Variants in BBX observed in about 807,000 individuals in gnomAD.
The protein encoded by BBX is BBX high mobility group box domain containing, also known as HMG box transcription factor BBX.
In BBX, 30 loss-of-function variants were observed where a neutral mutation model predicts 100.2. That is an observed-to-expected ratio of 0.30 (90% confidence interval 0.22 to 0.41). BBX has a LOEUF of 0.41. Among genes scored for constraint, BBX ranks in the 10% least tolerant of loss-of-function variants. The pLI, the probability that BBX is intolerant of heterozygous loss-of-function variation, is 1.00. For synonymous variants in BBX, 376 were observed against 388.1 expected, an observed-to-expected ratio of 0.97 and a Z score of 0.37; for missense variants, 1,023 against 1,129.8, an observed-to-expected ratio of 0.91 and a Z score of 1.35.
At chr3:107,650,209 C>T (rs1256941804) in intron 3 of BBX, among the ~76,000 whole-genome samples, 2 of 152,154 alleles carry the variant, frequency 1.3e-5, no homozygotes, top group Middle Eastern at 3.2e-3. Flanking sequence ...CCAGGTTGCA[C>T]AGCAGGAGCT....
chr3:107,696,986 G>A (rs1002282740), intron 3 of BBX, among the ~76,000 whole-genome samples: 5 of 151,516 alleles, frequency 3.3e-5, no homozygotes, highest in Non-Finnish European at 7.4e-5. Context: ...CCATTTGATC[G>A]CATCAGCTCC....
intron 5 of BBX, among the ~76,000 whole-genome samples, chr3:107,727,024 C>G (rs993091274): frequency 1.3e-5 from 2 of 152,060 alleles, no homozygotes; most frequent in Admixed American, 1.3e-4. Flanking sequence ...TTGATGCTGG[C>G]AATCATTCTG....
chr3:107,711,914 C>T (rs2061747436), intron 4 of BBX, among the ~76,000 whole-genome samples: 2 of 151,956 alleles, frequency 1.3e-5, no homozygotes, highest in Non-Finnish European at 2.9e-5. Context: ...CTGTATTGCC[C>T]AGGCTATAGT....
intron 2 of BBX, among the ~76,000 whole-genome samples, chr3:107,558,007 G>C (rs1314660476): frequency 6.6e-6 from 1 of 152,208 alleles, no homozygotes; most frequent in African/African-American, 2.4e-5. Context: ...CAGAAACTCA[G>C]CGGGGCTTGG....
chr3:107,720,237 G>A (rs1477890618), intron 5 of BBX, among the ~76,000 whole-genome samples: 1 of 151,980 alleles, frequency 6.6e-6, no homozygotes, highest in African/African-American at 2.4e-5. Context: ...TGACTCCTGT[G>A]TGTTCTTCTA....
At position 107,584,723 on chromosome 3, in the gene BBX, C is replaced by T. The variant is rs1458092755; in HGVS notation, c.-84+58325C>T. Among the ~76,000 whole-genome samples, 7 of 95,472 alleles carry T rather than the reference C, an allele frequency of 7.3e-5. No homozygotes were observed. In the Admixed American group the frequency reaches 1.2e-3, roughly 17 times the overall value. 62.6% of individuals were successfully genotyped at this position (95,472 alleles called of 152,430 possible). A position where few individuals can be genotyped will look rare whatever the true frequency, so the allele number is the denominator to read the frequency against. ...TTTTTTTTTTTGAGGTGGAGTCTCA[C>T]TCTTGTTGCCCAGGCTGGAGTGCAG... On this transcript the variant is annotated intron_variant, in intron 2 of 17. Transcript: ENST00000325805.
intron 2 of BBX, among the ~76,000 whole-genome samples, chr3:107,550,708 A>T (rs751677209): frequency 3.9e-5 from 6 of 152,180 alleles, no homozygotes; most frequent in Non-Finnish European, 8.8e-5. Context: ...CAGGCCAACC[A>T]TGTAGGATCT....
intron 3 of BBX, among the ~76,000 whole-genome samples, chr3:107,702,492 C>T (rs1362284554): frequency 6.6e-6 from 1 of 152,136 alleles, no homozygotes; most frequent in Non-Finnish European, 1.5e-5. Context: ...TAAAGAAACG[C>T]ATAATAAGAA....
intron 2 of BBX, among the ~76,000 whole-genome samples, chr3:107,573,636 TA>T (rs1382522948): frequency 6.6e-6 from 1 of 152,248 alleles, no homozygotes; most frequent in Non-Finnish European, 1.5e-5. Flanking sequence ...AAATATAGAT[TA>T]AACATAGTTA....
chr3:107,614,730 A>G (rs1348882529), intron 2 of BBX, among the ~76,000 whole-genome samples: 1 of 152,092 alleles, frequency 6.6e-6, no homozygotes, highest in Non-Finnish European at 1.5e-5. Context: ...GTTATCTTTT[A>G]TTTTTAATAT....
intron 3 of BBX, among the ~76,000 whole-genome samples, chr3:107,669,809 G>C (rs1388498823): frequency 6.6e-6 from 1 of 152,148 alleles, no homozygotes; most frequent in East Asian, 1.9e-4. Context: ...GTAGGCCCTA[G>C]TCTACTTTTA....
intron 7 of BBX, among the ~76,000 whole-genome samples, chr3:107,734,058 A>T (rs1469102972): frequency 1.3e-5 from 2 of 151,758 alleles, no homozygotes; most frequent in African/African-American, 4.8e-5. Flanking sequence ...AATAGCAATG[A>T]CTCAATTTTA....
At chr3:107,798,857 CAAAA>C (rs1162018223) in intron 16 of BBX, 137 bp downstream of exon 16, 34 of 941,050 alleles carry the variant, frequency 3.6e-5, no homozygotes, top group Non-Finnish European at 4.8e-5. Flanking sequence ...AAAACAAAAA[CAAAA>C]AAAACCAGGC....
intron 10 of BBX, among the ~76,000 whole-genome samples, chr3:107,766,170 A>C (rs1037929743): frequency 6.6e-6 from 1 of 152,216 alleles, no homozygotes; most frequent in African/African-American, 2.4e-5. Context: ...ACCAAGGTCA[A>C]TGAGAATGTC....
intron 3 of BBX, among the ~76,000 whole-genome samples, chr3:107,687,809 C>A (rs935534930): frequency 1.3e-5 from 2 of 152,162 alleles, no homozygotes; most frequent in Non-Finnish European, 2.9e-5. Flanking sequence ...AATCCCAGCA[C>A]TTTGGGAGGC....
intron 2 of BBX, among the ~76,000 whole-genome samples, chr3:107,552,235 C>G (rs1423277580): frequency 6.6e-6 from 1 of 150,638 alleles, no homozygotes; most frequent in Non-Finnish European, 1.5e-5. Context: ...TCCCAGCTAC[C>G]TGGGAGGCTG....
intron 2 of BBX, among the ~76,000 whole-genome samples, chr3:107,533,138 A>T (rs567502641): frequency 6.6e-6 from 1 of 152,282 alleles, no homozygotes; most frequent in African/African-American, 2.4e-5. Flanking sequence ...GTATTATCCT[A>T]GATATAGCTA....
intron 2 of BBX, among the ~76,000 whole-genome samples, chr3:107,568,811 A>T (rs751978593): frequency 2.0e-4 from 31 of 152,298 alleles, no homozygotes; most frequent in South Asian, 6.2e-4. Flanking sequence ...TCAATAAATA[A>T]ATTTTTAATT....
At chr3:107,768,993 C>T (rs2066621399) in intron 10 of BBX, among the ~76,000 whole-genome samples, 1 of 75,750 alleles carries the variant, frequency 1.3e-5, no homozygotes, top group Non-Finnish European at 2.7e-5. Context: ...TGCCTATTCT[C>T]TACGGGTGGG....
Sources: allele counts gnomAD v4.1 joint callset (sites outside exome capture counted in the v4.1 genomes callset), GRCh38; gene constraint gnomAD v4.1.1; transcripts MANE v1.5; gene names NCBI Gene and HGNC (gene_info 2026-07-23, HGNC 2026-07-21).